The following EYA1 variants were observed in gnomAD, a reference collection of about 807,000 sequenced individuals.
EYA1 encodes protein phosphatase EYA1.
In EYA1, 16 loss-of-function variants were observed where a neutral mutation model predicts 82.0. The ratio of observed to expected loss-of-function variants is 0.20; its 90% CI spans 0.13 to 0.30. The LOEUF is 0.30. Ranked by LOEUF, EYA1 falls within the 10% of genes least tolerant of loss-of-function variation. The pLI is 1.00. For missense variants in EYA1, 633 were observed against 730.7 expected (o/e 0.87, Z 1.54); for synonymous variants, 261 against 264.4 (o/e 0.99, Z 0.12).
chr8:71,361,911 C>G lies in EYA1; in HGVS notation c.-319G>C. The stretch of plus-strand genomic sequence containing the variant: ...GTGTTCCCCAGGAAGAAACCCGCCA[C>G]AGTGGACGGCAACAGGAAGGCTTAA... On this transcript the variant is annotated 5_prime_UTR_variant, in exon 1 of 18. Coordinates refer to ENST00000340726, the MANE Select transcript of EYA1 (RefSeq NM_000503.6). The G allele has an allele frequency of 1.0e-6, 1 of 985,484 alleles. No homozygotes were observed. Among genetic ancestry groups the G allele is most frequent in the Non-Finnish European group, 1.2e-6 (1 of 829,978 alleles). The allele number at this position is 985,484 out of a possible 1,614,324, so 61.0% of individuals were successfully genotyped here. A position where few individuals can be genotyped will look rare whatever the true frequency, so the allele number is the denominator to read the frequency against.
At chr8:71,242,237 A>G (rs1036072158) in intron 12 of EYA1, among the ~76,000 whole-genome samples, 6 of 152,142 alleles carry the variant, frequency 3.9e-5, no homozygotes, top group Admixed American at 3.3e-4. Flanking sequence ...ATATTGAAAT[A>G]AGTAAAAAAC....
At position 71,305,963 on chromosome 8, in the gene EYA1, T is replaced by C. The variant is rs144519930; in HGVS notation, c.557-6243A>G. Among the ~76,000 whole-genome samples the C allele has an allele frequency of 7.2e-3, 1,103 of 152,314 alleles. 17 individuals are homozygous for C. The highest frequency in any genetic ancestry group is 0.025 in the African/African-American group (1,041 of 41,566). On this transcript the variant is annotated intron_variant, in intron 7 of 17. Transcript: ENST00000340726. ...TTTATAGGTGCAACTCTAGAGGTTG[T>C]TGTGATGCAAAAGAAGTGGGCATCA... is the stretch of plus-strand genomic sequence containing the variant.
intron 2 of EYA1, among the ~76,000 whole-genome samples, chr8:71,444,121 C>T (rs999943832): frequency 6.6e-6 from 1 of 152,170 alleles, no homozygotes; most frequent in African/African-American, 2.4e-5. Context: ...TTTATTTACC[C>T]ACCTATGCAC....
intron 2 of EYA1, among the ~76,000 whole-genome samples, chr8:71,387,271 G>A (rs1829020034): frequency 6.6e-6 from 1 of 152,120 alleles, no homozygotes; most frequent in Admixed American, 6.6e-5. Flanking sequence ...GGAATGACAA[G>A]CAAAACAGCT....
intron 2 of EYA1, among the ~76,000 whole-genome samples, chr8:71,523,003 T>TA (rs1667994188): frequency 6.6e-6 from 1 of 152,208 alleles, no homozygotes; most frequent in Admixed American, 6.5e-5. Context: ...ACACTTATGT[T>TA]AAAACTTTTC....
chr8:71,444,587 G>A (rs952341941), intron 2 of EYA1, among the ~76,000 whole-genome samples: 2 of 152,196 alleles, frequency 1.3e-5, no homozygotes, highest in African/African-American at 4.8e-5. Context: ...CTCATCTTAG[G>A]TTGGAATGAT....
chr8:71,202,876 G>A (rs970021753), intron 17 of EYA1, among the ~76,000 whole-genome samples: 2 of 152,088 alleles, frequency 1.3e-5, no homozygotes, highest in Non-Finnish European at 2.9e-5. Context: ...GAGGAGAGGA[G>A]GTGTCAAACT....
At chr8:71,312,471 C>A (rs1490687013) in intron 7 of EYA1, among the ~76,000 whole-genome samples, 5 of 152,142 alleles carry the variant, frequency 3.3e-5, no homozygotes, top group African/African-American at 1.2e-4. Context: ...TTTGAAAACA[C>A]AGTCTCACTC....
intron 7 of EYA1, among the ~76,000 whole-genome samples, chr8:71,305,000 C>T (rs57931942): frequency 0.032 from 4,637 of 142,906 alleles, 541 homozygotes; most frequent in African/African-American, 0.11. Flanking sequence ...TGTCACACAC[C>T]AGGCTTGAAC....
chr8:71,372,446 T>A (rs1460824456), intron 2 of EYA1, among the ~76,000 whole-genome samples: 1 of 152,150 alleles, frequency 6.6e-6, no homozygotes, highest in Non-Finnish European at 1.5e-5. Flanking sequence ...TTCCCAATCC[T>A]TTCTCAGGTA....
intron 2 of EYA1, among the ~76,000 whole-genome samples, chr8:71,434,473 C>A (rs1481848160): frequency 6.6e-6 from 1 of 152,082 alleles, no homozygotes; most frequent in Non-Finnish European, 1.5e-5. Context: ...CAATTTAACT[C>A]CAAAAACCTA....
intron 9 of EYA1, among the ~76,000 whole-genome samples, chr8:71,288,278 T>C (rs543959490): frequency 6.6e-6 from 1 of 152,292 alleles, no homozygotes; most frequent in Admixed American, 6.5e-5. Context: ...ATATGATAAC[T>C]TGTATCCCTA....
intron 17 of EYA1, among the ~76,000 whole-genome samples, chr8:71,207,533 C>G (rs1807956621): frequency 6.6e-6 from 1 of 152,120 alleles, no homozygotes; most frequent in Non-Finnish European, 1.5e-5. Context: ...TTTTTGGACT[C>G]TTGTCACGTA....
chr8:71,208,615 C>A (rs1396994504), intron 17 of EYA1, among the ~76,000 whole-genome samples: 2 of 152,022 alleles, frequency 1.3e-5, no homozygotes, highest in Non-Finnish European at 2.9e-5. Context: ...GAAGTGTCAG[C>A]ATTTGCCTAA....
At chr8:71,320,570 G>A (rs1262593649) in intron 6 of EYA1, among the ~76,000 whole-genome samples, 1 of 151,970 alleles carries the variant, frequency 6.6e-6, no homozygotes, top group African/African-American at 2.4e-5. Flanking sequence ...TCCATTTTAG[G>A]GCTGTCTCTA....
At chr8:71,232,683 CTT>C (rs111907048) in intron 12 of EYA1, among the ~76,000 whole-genome samples, 10 of 144,062 alleles carry the variant, frequency 6.9e-5, no homozygotes, top group Admixed American at 6.9e-5. Flanking sequence ...TTTTTCTTTT[CTT>C]TTTTTTTTTT....
chr8:71,440,785 CAGAT>C lies in EYA1; in HGVS notation c.34-84278_34-84275del, dbSNP rs537773965. Among the ~76,000 whole-genome samples, 612 of 152,038 alleles carry C rather than the reference CAGAT, an allele frequency of 4.0e-3. 6 individuals carry two copies. The highest frequency in any genetic ancestry group is 0.014 in the African/African-American group (576 of 41,446). On this transcript the variant is annotated intron_variant, in intron 2 of 18. Transcript: ENST00000643681. ...TTGCAGCTAACAATGGTAAAACAGA[CAGAT>C]AAAGTTGCCCAAGAAGAGAAAGACA...
intron 4 of EYA1, among the ~76,000 whole-genome samples, chr8:71,327,853 CTTT>C (rs71555578): frequency 3.6e-5 from 4 of 110,194 alleles, no homozygotes; most frequent in Non-Finnish European, 1.8e-5. Context: ...TCTTTAAGTT[CTTT>C]TTTTTTTTTT....
chr8:71,302,797 T>C (rs1208894710), intron 7 of EYA1, among the ~76,000 whole-genome samples: 2 of 142,082 alleles, frequency 1.4e-5, no homozygotes, highest in African/African-American at 5.0e-5. Context: ...TTACCCATCT[T>C]TGGGTACTGT....
Sources: allele counts gnomAD v4.1 joint callset (sites outside exome capture counted in the v4.1 genomes callset), GRCh38; gene constraint gnomAD v4.1.1; transcripts MANE v1.5; gene names NCBI Gene and HGNC (gene_info 2026-07-23, HGNC 2026-07-21).